Variants in PPM1L observed in about 807,000 individuals in gnomAD.
PPM1L encodes protein phosphatase, Mg2+/Mn2+ dependent 1L, also known as protein phosphatase 1L.
Under a neutral mutation model 31.4 loss-of-function variants are expected in PPM1L, and 13 were observed. The ratio of observed to expected loss-of-function variants is 0.41; its 90% confidence interval spans 0.27 to 0.66. The LOEUF (loss-of-function observed/expected upper bound fraction) is 0.66, where lower values mean the gene tolerates loss of function less well. Ranked by LOEUF, PPM1L falls within the 30% of genes least tolerant of loss-of-function variation. The probability of loss-of-function intolerance (pLI) is 0.29; values close to 1 mark genes in which losing one functional copy is unlikely to be tolerated. For synonymous variants in PPM1L, 184 were observed against 175.4 expected (o/e 1.05, Z -0.39); for missense variants, 326 against 453.7 (o/e 0.72, Z 2.56).
intron 2 of PPM1L, among the ~76,000 whole-genome samples, chr3:161,033,938 G>A (rs538562394): frequency 1.3e-5 from 2 of 152,186 alleles, no homozygotes; most frequent in African/African-American, 4.8e-5. Context: ...TTTGCAATCT[G>A]TCCATCTGAC....
At chr3:160,919,843 G>T (rs1275930644) in intron 1 of PPM1L, among the ~76,000 whole-genome samples, 1 of 152,148 alleles carries the variant, frequency 6.6e-6, no homozygotes, top group African/African-American at 2.4e-5. Context: ...TGAAACCTGG[G>T]CTCAATAAAA....
At chr3:160,865,246 G>T (rs1421766069) in intron 1 of PPM1L, among the ~76,000 whole-genome samples, 2 of 152,042 alleles carry the variant, frequency 1.3e-5, no homozygotes, top group East Asian at 3.9e-4. Context: ...CCAGATTTAT[G>T]AAATCATGAA....
intron 3 of PPM1L, among the ~76,000 whole-genome samples, chr3:161,066,544 G>A (rs1056206063): frequency 6.6e-6 from 1 of 152,170 alleles, no homozygotes; most frequent in African/African-American, 2.4e-5. Flanking sequence ...AGACTCGGAG[G>A]ATAATTATCA....
chr3:160,804,660 G>A (rs944281165), intron 1 of PPM1L, among the ~76,000 whole-genome samples: 3 of 152,104 alleles, frequency 2.0e-5, no homozygotes, highest in Non-Finnish European at 4.4e-5. Flanking sequence ...AAATCTATTA[G>A]GTCACTCAAA....
At chr3:160,927,422 T>TA (rs956514056) in intron 1 of PPM1L, among the ~76,000 whole-genome samples, 60 of 151,722 alleles carry the variant, frequency 4.0e-4, no homozygotes, top group African/African-American at 1.3e-3. Context: ...ATTTAAGGTC[T>TA]AAAAAAAAAC....
intron 1 of PPM1L, among the ~76,000 whole-genome samples, chr3:160,778,824 G>A (rs959264390): frequency 6.6e-6 from 1 of 152,182 alleles, no homozygotes; most frequent in Non-Finnish European, 1.5e-5. Flanking sequence ...CTATTTCACA[G>A]AAAACCTGTC....
At chr3:160,880,054 T>A (rs374066138) in intron 1 of PPM1L, among the ~76,000 whole-genome samples, 2 of 152,198 alleles carry the variant, frequency 1.3e-5, no homozygotes, top group East Asian at 3.9e-4. Context: ...AAGTGCTACC[T>A]GGTAGCACTT....
At chr3:161,051,072 A>T (rs982838694) in intron 2 of PPM1L, among the ~76,000 whole-genome samples, 4 of 152,090 alleles carry the variant, frequency 2.6e-5, no homozygotes, top group Non-Finnish European at 5.9e-5. Context: ...TCTTTAAGAG[A>T]GAGTTGAGGT....
chr3:160,936,812 C>T (rs1364710392), intron 1 of PPM1L, among the ~76,000 whole-genome samples: 1 of 152,102 alleles, frequency 6.6e-6, no homozygotes, highest in Non-Finnish European at 1.5e-5. Context: ...AAATTACTTT[C>T]TTATGGTTTA....
In PPM1L at chr3:160,922,896, G is replaced by A. The variant is rs1002689989; in HGVS notation, c.400-38840G>A. Among the ~76,000 whole-genome samples, 13 of 152,152 alleles carry A rather than the reference G, an allele frequency of 8.5e-5. 1 individual carries two copies. Among genetic ancestry groups the A allele is most frequent in the Non-Finnish European group, 1.3e-4 (9 of 68,026 alleles). On this transcript the variant is annotated intron_variant, in intron 1 of 3. Coordinates refer to ENST00000498165, the MANE Select transcript of PPM1L (RefSeq NM_139245.4). ...ATAAAGGGTATGATAAAGTGAGGTT[G>A]ACCATATCCTAATATTGAAATTTGG...
chr3:160,926,207 A>G (rs1416920802), intron 1 of PPM1L, among the ~76,000 whole-genome samples: 1 of 152,186 alleles, frequency 6.6e-6, no homozygotes, highest in Non-Finnish European at 1.5e-5. Context: ...ATGTAATTCA[A>G]TTGAAACCTT....
Position 161,068,822 on chromosome 3 carries a change from A to G in PPM1L, c.748A>G (p.Ser250Gly), listed in dbSNP as rs758564541. 1 of 1,609,306 alleles carries G rather than the reference A, an allele frequency of 6.2e-7. No homozygotes were observed. Among genetic ancestry groups the G allele is most frequent in the Non-Finnish European group, 8.5e-7 (1 of 1,177,854 alleles). Residue 250 changes from serine (S) to glycine (G), a missense_variant, in exon 4 of 4, where the codon AGT becomes GGT. Ser to Gly is a moderately conservative substitution (Grantham distance 56). Coordinates refer to ENST00000498165, the MANE Select transcript of PPM1L (RefSeq NM_139245.4). ...KRIKRAGGFISFNGSWRVQGI... is the reference protein window; with the variant it reads ...KRIKRAGGFIGFNGSWRVQGI... ...TCCTGTCTTTCTAGGTGGTTTCATCAGTTTCAATGGCTCCTGGAGGGTCCA... is the reference window on the plus strand; with the variant it reads ...TCCTGTCTTTCTAGGTGGTTTCATCGGTTTCAATGGCTCCTGGAGGGTCCA...
At chr3:160,810,192 A>C (rs1273314697) in intron 1 of PPM1L, among the ~76,000 whole-genome samples, 1 of 151,826 alleles carries the variant, frequency 6.6e-6, no homozygotes, top group East Asian at 1.9e-4. Flanking sequence ...CTTTTCTCCC[A>C]GTCTCTGCTT....
Position 160,794,776 on chromosome 3 carries a change from A to G in PPM1L, c.399+38069A>G, listed in dbSNP as rs142883955. On this transcript the variant is annotated intron_variant, in intron 1 of 3. Transcript: ENST00000498165. ...AAATACGCTAACATGATAGCTGGTGAGCTTAAAAAAAATCGCAAGAAAATC... is the reference window on the plus strand; with the variant it reads ...AAATACGCTAACATGATAGCTGGTGGGCTTAAAAAAAATCGCAAGAAAATC... Among the ~76,000 whole-genome samples, 65 of 152,254 alleles carry G rather than the reference A, an allele frequency of 4.3e-4. 2 individuals are homozygous for G. The East Asian group carries it at 8.9e-3, about 21-fold the overall frequency.
chr3:160,901,211 A>G (rs1290653440), intron 1 of PPM1L, among the ~76,000 whole-genome samples: 1 of 152,048 alleles, frequency 6.6e-6, no homozygotes, highest in Non-Finnish European at 1.5e-5. Flanking sequence ...CATGTTTCCC[A>G]TTGTATACTT....
chr3:160,886,396 T>G (rs1398372006), intron 1 of PPM1L, among the ~76,000 whole-genome samples: 1 of 152,170 alleles, frequency 6.6e-6, no homozygotes, highest in Non-Finnish European at 1.5e-5. Context: ...ACCACCTAAA[T>G]GGGTGAGACC....
chr3:161,035,982 G>A, intron 2 of PPM1L: 1 of 152,174 alleles, frequency 6.6e-6, no homozygotes, highest in African/African-American at 2.4e-5. Context: ...AGAAAAAAGG[G>A]GAAACAGTAT....
At chr3:161,056,778 A>G (rs951385932) in intron 2 of PPM1L, among the ~76,000 whole-genome samples, 1 of 152,074 alleles carries the variant, frequency 6.6e-6, no homozygotes, top group African/African-American at 2.4e-5. Flanking sequence ...GAATACAGCA[A>G]TGGGCCGGCA....
In PPM1L at chr3:160,842,289, A is replaced by C. The variant is rs114000713; in HGVS notation, c.399+85582A>C. ...TAGACCAGAACATGCCTGCTTTTTC[A>C]ACAGTGAGTAGATCTGTTTGGCTCT... On this transcript the variant is annotated intron_variant, in intron 1 of 3. Coordinates refer to ENST00000498165, the MANE Select transcript of PPM1L (RefSeq NM_139245.4). 1,361 of 702,542 alleles carry C rather than the reference A, an allele frequency of 1.9e-3. 5 individuals are homozygous for C. In the African/African-American group the frequency reaches 0.02, roughly 10 times the overall value. 43.5% of individuals were successfully genotyped at this position (702,542 alleles called of 1,614,324 possible).
Sources: allele counts gnomAD v4.1 joint callset (sites outside exome capture counted in the v4.1 genomes callset), GRCh38; gene constraint gnomAD v4.1.1; transcripts MANE v1.5; gene names NCBI Gene and HGNC (gene_info 2026-07-23, HGNC 2026-07-21).